DPYD: variants seen among roughly 807,000 people sequenced by gnomAD.
The protein encoded by DPYD is dihydropyrimidine dehydrogenase [NADP(+)].
In DPYD, 109 loss-of-function variants were observed where a neutral mutation model predicts 116.2. The observed-to-expected ratio is 0.94, with a 90% CI of 0.80 to 1.10. The LOEUF is 1.10. DPYD is among the 50% of genes least tolerant of loss of function. The probability of loss-of-function intolerance (pLI) is 0.00; values close to 1 mark genes in which losing one functional copy is unlikely to be tolerated. For missense variants in DPYD, 1,302 were observed against 1,254.5 expected (o/e 1.04, Z -0.57); for synonymous variants, 440 against 432.0 (o/e 1.02, Z -0.23).
At chr1:97,457,942 A>C (rs923903616) in intron 13 of DPYD, among the ~76,000 whole-genome samples, 5 of 152,294 alleles carry the variant, frequency 3.3e-5, no homozygotes, top group Admixed American at 3.3e-4. Context: ...TATCAGATGG[A>C]TTAGAACGTG....
Position 97,310,486 on chromosome 1 carries a change from C to T in DPYD, c.2059-4189G>A, listed in dbSNP as rs534245471. ...AAGTAGCTGCAACATAATGAGCAAA[C>T]GTGATGTATTATCCTTCTATGTCAA... On this transcript the variant is annotated intron_variant, in intron 16 of 22. Transcript: ENST00000370192. 4.6e-5 allele frequency among the ~76,000 whole-genome samples: 7 copies of T among 151,878 alleles called. No individual in the cohort carries two copies. In the South Asian group the frequency reaches 6.2e-4, roughly 13 times the overall value.
chr1:97,407,906 C>A (rs551990854), intron 14 of DPYD, among the ~76,000 whole-genome samples: 7 of 152,098 alleles, frequency 4.6e-5, no homozygotes, highest in Non-Finnish European at 8.8e-5. Flanking sequence ...TTAAGATTGC[C>A]ACCTGGCCAT....
At chr1:97,796,918 A>T (rs192249887) in intron 3 of DPYD, 1 of 152,118 alleles carries the variant, frequency 6.6e-6, no homozygotes, top group Non-Finnish European at 1.5e-5. Flanking sequence ...TGGCAGTAAA[A>T]TGGGCAGCAG....
At chr1:97,893,306 A>T (rs1190593285) in intron 1 of DPYD, among the ~76,000 whole-genome samples, 1 of 151,212 alleles carries the variant, frequency 6.6e-6, no homozygotes, top group Admixed American at 6.6e-5. Flanking sequence ...CTCTGAACTT[A>T]TCATTGCCCT....
At chr1:97,867,597 A>G (rs1671448457) in intron 2 of DPYD, among the ~76,000 whole-genome samples, 1 of 151,956 alleles carries the variant, frequency 6.6e-6, no homozygotes, top group Non-Finnish European at 1.5e-5. Context: ...GATATACCAC[A>G]TTAATAGAAT....
At chr1:97,448,404 T>C (rs1386794316) in intron 14 of DPYD, among the ~76,000 whole-genome samples, 1 of 152,070 alleles carries the variant, frequency 6.6e-6, no homozygotes, top group Non-Finnish European at 1.5e-5. Context: ...ATAGAGAAAA[T>C]AATACTACCT....
intron 19 of DPYD, among the ~76,000 whole-genome samples, chr1:97,207,779 C>T (rs879277662): frequency 1.4e-4 from 22 of 152,234 alleles, no homozygotes; most frequent in Admixed American, 1.4e-3. Flanking sequence ...TCTAGACTCT[C>T]TTATCTAATT....
At position 97,556,888 on chromosome 1, in the gene DPYD, G is replaced by A. The variant is rs1173011784; in HGVS notation, c.1340-7144C>T. Among the ~76,000 whole-genome samples the A allele has an allele frequency of 2.2e-4, 33 of 150,358 alleles. No individual in the cohort carries two copies. The South Asian group carries it at 6.5e-3, about 30-fold the overall frequency. On this transcript the variant is annotated intron_variant, in intron 11 of 22. Coordinates refer to ENST00000370192, the MANE Select transcript of DPYD (RefSeq NM_000110.4). ...ATATACCCAGTAATGGGATGGCTGG[G>A]TCAAATGGTATTTCCAGTTCTAGAT... is the stretch of plus-strand genomic sequence containing the variant.
intron 11 of DPYD, among the ~76,000 whole-genome samples, chr1:97,552,428 G>A (rs1445574833): frequency 6.6e-6 from 1 of 152,064 alleles, no homozygotes; most frequent in Admixed American, 6.6e-5. Flanking sequence ...ATGTTACTCT[G>A]AGTTTAATAA....
intron 16 of DPYD, among the ~76,000 whole-genome samples, chr1:97,350,432 G>T (rs1306163751): frequency 6.6e-6 from 1 of 152,026 alleles, no homozygotes; most frequent in African/African-American, 2.4e-5. Context: ...AATGTGGGTT[G>T]CTCATAACAT....
chr1:97,295,727 A>G (rs1666488021), intron 18 of DPYD: 1 of 981,028 alleles, frequency 1.0e-6, no homozygotes, highest in Admixed American at 6.2e-5. Context: ...CATCGCTCTC[A>G]GCCTGATAAT....
chr1:97,910,634 A>T (rs1553258904), intron 1 of DPYD, among the ~76,000 whole-genome samples: 1 of 152,118 alleles, frequency 6.6e-6, no homozygotes, highest in Non-Finnish European at 1.5e-5. Context: ...GGCTGTGAAC[A>T]TTAGCACTCT....
At chr1:97,897,952 C>A (rs1673165830) in intron 1 of DPYD, among the ~76,000 whole-genome samples, 1 of 151,718 alleles carries the variant, frequency 6.6e-6, no homozygotes, top group African/African-American at 2.4e-5. Flanking sequence ...TTTTCGCATT[C>A]CTATAAATGT....
At chr1:97,388,543 T>C (rs911150345) in intron 14 of DPYD, among the ~76,000 whole-genome samples, 1 of 152,102 alleles carries the variant, frequency 6.6e-6, no homozygotes, top group African/African-American at 2.4e-5. Context: ...TCAACCGTGA[T>C]GAATGCTTCT....
intron 1 of DPYD, among the ~76,000 whole-genome samples, chr1:97,884,554 C>T (rs1672388443): frequency 6.6e-6 from 1 of 152,036 alleles, no homozygotes; most frequent in African/African-American, 2.4e-5. Flanking sequence ...AAAGTGGCAG[C>T]TGAGATTGTA....
chr1:97,370,452 C>G (rs1484046510), intron 16 of DPYD, among the ~76,000 whole-genome samples: 1 of 152,020 alleles, frequency 6.6e-6, no homozygotes, highest in Non-Finnish European at 1.5e-5. Flanking sequence ...AGCATTAGGA[C>G]AAATATCTAA....
intron 13 of DPYD, among the ~76,000 whole-genome samples, chr1:97,472,866 T>C (rs1188140970): frequency 6.6e-6 from 1 of 152,208 alleles, no homozygotes; most frequent in East Asian, 1.9e-4. Flanking sequence ...CTTGTATATA[T>C]TTAAGATATG....
At chr1:97,370,757 T>C (rs965354480) in intron 16 of DPYD, among the ~76,000 whole-genome samples, 1 of 152,166 alleles carries the variant, frequency 6.6e-6, no homozygotes, top group Non-Finnish European at 1.5e-5. Flanking sequence ...AAATCCCATA[T>C]TTTAGAGATG....
chr1:97,689,982 C>CT (rs1660930047), intron 7 of DPYD, among the ~76,000 whole-genome samples: 1 of 151,968 alleles, frequency 6.6e-6, no homozygotes, highest in African/African-American at 2.4e-5. Context: ...AATTTAGGTT[C>CT]CATTTTTTTT....
Sources: gnomAD v4.1 joint callset for allele counts (sites outside exome capture counted in the v4.1 genomes callset) on GRCh38, gnomAD v4.1.1 for gene constraint, MANE v1.5 for transcripts, NCBI Gene and HGNC (gene_info 2026-07-23, HGNC 2026-07-21) for gene names.